The following RCC2 variants were observed in gnomAD, a reference collection of about 807,000 sequenced individuals.
RCC2 encodes protein RCC2.
Under a neutral mutation model 64.1 loss-of-function variants are expected in RCC2, and 19 were observed. That is an observed-to-expected ratio of 0.30 (90% CI 0.21 to 0.44). The LOEUF is 0.44. Among genes scored for constraint, RCC2 ranks in the 20% least tolerant of loss-of-function variants. RCC2 has a pLI of 1.00. For missense variants in RCC2, 508 were observed against 710.4 expected, an observed-to-expected ratio of 0.72 and a Z score of 3.24; for synonymous variants, 325 against 279.6, an observed-to-expected ratio of 1.16 and a Z score of -1.62.
At position 17,438,288 on chromosome 1, in the gene RCC2, C is replaced by T; in HGVS notation, c.227G>A (p.Gly76Asp). 7.8e-7 allele frequency: 1 copy of T among 1,285,224 alleles called. No individual in the cohort carries two copies. The highest frequency in any genetic ancestry group is 1.0e-6 in the Non-Finnish European group (1 of 1,002,244). 79.6% of individuals were successfully genotyped at this position (1,285,224 alleles called of 1,614,324 possible). A position where few individuals can be genotyped will look rare whatever the true frequency, so the allele number is the denominator to read the frequency against. Residue 76 changes from glycine (G) to aspartate (D), a missense_variant, in exon 2 of 13, where the codon GGC (glycine) becomes GAC (aspartate). By Grantham distance (94) the Gly-to-Asp change is moderately conservative. Transcript: ENST00000375436. The part of the protein sequence containing the change: ...GKRAARPATA[G>D]KAGGAAVVIT... ...GACCACGGCCGCGCCGCCCGCCTTG[C>T]CTGCTGTCGCCGGCCGCGCCGCGCG...
In RCC2 at chr1:17,408,153, G is replaced by T. The variant is rs1334575301; in HGVS notation, c.*937C>A. On this transcript the variant is annotated 3_prime_UTR_variant, in exon 13 of 13. Coordinates refer to ENST00000375436, the MANE Select transcript of RCC2 (RefSeq NM_018715.4). The stretch of plus-strand genomic sequence containing the variant: ...CGCGCGAGGCAGGATCCAGGCGGGG[G>T]GGAGAAAAAGAGACCAAAGCACAAG... 1 of 152,436 alleles carries T rather than the reference G, an allele frequency of 6.6e-6. No individual in the cohort carries two copies. Among genetic ancestry groups the T allele is most frequent in the Non-Finnish European group, 1.5e-5 (1 of 68,236 alleles). 9.4% of individuals were successfully genotyped at this position (152,436 alleles called of 1,614,324 possible).
chr1:17,435,665 G>A (rs2075728234), intron 2 of RCC2, among the ~76,000 whole-genome samples: 1 of 152,166 alleles, frequency 6.6e-6, no homozygotes, highest in Non-Finnish European at 1.5e-5. Context: ...ACTTAAACGT[G>A]GGGCACTTTG....
intron 2 of RCC2, 92 bp downstream of exon 2, chr1:17,438,138 G>A (rs1478440572): frequency 1.0e-5 from 10 of 964,068 alleles, no homozygotes; most frequent in Admixed American, 5.4e-5. Context: ...CGTGACGCGA[G>A]GCGGCCCCCG....
At chr1:17,421,867 A>C (rs1455835160) in intron 6 of RCC2, among the ~76,000 whole-genome samples, 2 of 152,056 alleles carry the variant, frequency 1.3e-5, no homozygotes, top group Non-Finnish European at 2.9e-5. Flanking sequence ...CTCTACTAAA[A>C]ATACAAAATT....
At chr1:17,412,846 G>T (rs928326972) in intron 10 of RCC2, among the ~76,000 whole-genome samples, 2 of 152,302 alleles carry the variant, frequency 1.3e-5, no homozygotes, top group South Asian at 4.1e-4. Context: ...CCTTCAAAAT[G>T]ACTTTCTTCC....
intron 2 of RCC2, among the ~76,000 whole-genome samples, chr1:17,434,217 A>G (rs2075713341): frequency 6.6e-6 from 1 of 152,222 alleles, no homozygotes; most frequent in Non-Finnish European, 1.5e-5. Flanking sequence ...CTAATGACTG[A>G]CACTGGCAGC....
rs1038196411 is a variant in RCC2 at position 17,407,644 on chromosome 1, GCAA to G, written c.*1443_*1445del. The G allele has an allele frequency of 3.9e-5, 6 of 152,436 alleles. No individual in the cohort carries two copies. Among genetic ancestry groups the G allele is most frequent in the South Asian group, 4.1e-4 (2 of 4,820 alleles). 9.4% of individuals were successfully genotyped at this position (152,436 alleles called of 1,614,324 possible). ...ACTGGGGTGGAAAATAGGGAAAAAAGCAACAACAACTACATCATTTTTGGCATT... is the reference window on the plus strand; with the variant it reads ...ACTGGGGTGGAAAATAGGGAAAAAAGCAACAACTACATCATTTTTGGCATT... On this transcript the variant is annotated 3_prime_UTR_variant, in exon 13 of 13. Transcript: ENST00000375436.
chr1:17,424,699 A>C (rs1221936490), intron 4 of RCC2, among the ~76,000 whole-genome samples: 1 of 152,226 alleles, frequency 6.6e-6, no homozygotes, highest in Non-Finnish European at 1.5e-5. Context: ...ATGCAGTCAT[A>C]TGGACTAAAA....
Position 17,438,345 on chromosome 1 carries a change from A to G in RCC2, c.170T>C (p.Leu57Pro). ...GGGSSGDEDG[L>P]ELDGAPGGGK... The stretch of plus-strand genomic sequence containing the variant: ...CCCGCCGGGGGCCCCGTCGAGCTCC[A>G]GGCCGTCCTCGTCGCCGCTGCTGCC... The change falls in exon 2 of 13, where the codon CTG becomes CCG. Residue 57 changes from leucine to proline, a missense_variant. Physicochemically the swap from Leu to Pro is moderately conservative, Grantham distance 98 (BLOSUM62 -3). Around this residue, in one of 4 missense-constraint regions of RCC2, gnomAD observed 195 missense variants for 158.3 expected, o/e 1.23. Coordinates refer to ENST00000375436, the MANE Select transcript of RCC2 (RefSeq NM_018715.4). 8.0e-7 allele frequency: 1 copy of G among 1,243,684 alleles called. No homozygotes were observed. The highest frequency in any genetic ancestry group is 1.0e-6 in the Non-Finnish European group (1 of 993,276). The allele number at this position is 1,243,684 out of a possible 1,614,324, so 77.0% of individuals were successfully genotyped here.
intron 7 of RCC2, among the ~76,000 whole-genome samples, chr1:17,419,149 G>A (rs748711470): frequency 1.3e-5 from 2 of 152,120 alleles, no homozygotes; most frequent in Non-Finnish European, 2.9e-5. Flanking sequence ...GAGATCAAGC[G>A]TTTGAGACCA....
rs1263260632 is a variant in RCC2 at position 17,406,989 on chromosome 1, G to C, written c.*2101C>G. The C allele has an allele frequency of 3.9e-5, 6 of 152,136 alleles. No homozygotes were observed. Among genetic ancestry groups the C allele is most frequent in the Admixed American group, 2.6e-4 (4 of 15,280 alleles). The allele number at this position is 152,136 out of a possible 1,614,324, so 9.4% of individuals were successfully genotyped here. ...AGCACATTCCCAACCGGGCAACTGTGTACCTTTCTCTAGGAGTGCACGACA... is the reference window on the plus strand; with the variant it reads ...AGCACATTCCCAACCGGGCAACTGTCTACCTTTCTCTAGGAGTGCACGACA... On this transcript the variant is annotated 3_prime_UTR_variant, in exon 13 of 13. Transcript: ENST00000375436.
At chr1:17,424,151 G>A (rs756590392) in intron 4 of RCC2, among the ~76,000 whole-genome samples, 3 of 152,196 alleles carry the variant, frequency 2.0e-5, no homozygotes, top group East Asian at 3.8e-4. Context: ...TGAGCAATGC[G>A]TCAGCCACCC....
At chr1:17,429,344 C>T (rs2075650373) in intron 2 of RCC2, 145 bp from the exon 3 acceptor site, 1 of 661,728 alleles carries the variant, frequency 1.5e-6, no homozygotes, top group Admixed American at 2.4e-5. Flanking sequence ...CAGAGTCTCC[C>T]CACACTCCCC....
chr1:17,411,824 C>T (rs2075430098), intron 11 of RCC2, among the ~76,000 whole-genome samples: 2 of 152,156 alleles, frequency 1.3e-5, no homozygotes, highest in South Asian at 4.1e-4. Context: ...AACAAACAGG[C>T]CCTTTTCCTA....
In RCC2 at chr1:17,407,288, G is replaced by A. The variant is rs2526826; in HGVS notation, c.*1802C>T. ...CCCTCTCGGTGACCACGGCTCAAAGGAGAGACCTCAAGGGTGCCAGGAGCA... is the reference window on the plus strand; with the variant it reads ...CCCTCTCGGTGACCACGGCTCAAAGAAGAGACCTCAAGGGTGCCAGGAGCA... On this transcript the variant is annotated 3_prime_UTR_variant, in exon 13 of 13. Transcript: ENST00000375436. The A allele has an allele frequency of 4.0e-4, 61 of 152,288 alleles. No homozygotes were observed. Among genetic ancestry groups the A allele is most frequent in the African/African-American group, 1.3e-3 (56 of 41,550 alleles). The allele number at this position is 152,288 out of a possible 1,614,324, so 9.4% of individuals were successfully genotyped here.
intron 2 of RCC2, among the ~76,000 whole-genome samples, chr1:17,434,328 T>C (rs2075714383): frequency 6.6e-6 from 1 of 152,206 alleles, no homozygotes; most frequent in African/African-American, 2.4e-5. Context: ...TGATGATCAA[T>C]GGCTTAATCT....
intron 2 of RCC2, among the ~76,000 whole-genome samples, chr1:17,437,806 A>C (rs899071363): frequency 1.4e-5 from 2 of 142,104 alleles, no homozygotes; most frequent in Non-Finnish European, 3.1e-5. Context: ...GCCCGGGCGC[A>C]GCGGCGGCCA....
At chr1:17,438,192 G>A (rs763754410) in intron 2 of RCC2, 38 bp downstream of exon 2, 27 of 1,168,444 alleles carry the variant, frequency 2.3e-5, no homozygotes, top group Non-Finnish European at 2.7e-5. Context: ...CGCCGGCCCC[G>A]GCCCTGCGCC....
At chr1:17,433,712 A>G (rs1455580461) in intron 2 of RCC2, among the ~76,000 whole-genome samples, 2 of 152,192 alleles carry the variant, frequency 1.3e-5, no homozygotes, top group East Asian at 1.9e-4. Context: ...AGCTTCTTCA[A>G]TCAACAAAAT....
Sources: gnomAD v4.1 joint callset for allele counts (sites outside exome capture counted in the v4.1 genomes callset) on GRCh38, gnomAD v4.1.1 for gene constraint, gnomAD v4.1.1 regional missense constraint, MANE v1.5 for transcripts, NCBI Gene and HGNC (gene_info 2026-07-23, HGNC 2026-07-21) for gene names.